The following ACACA variants were observed in gnomAD, a reference collection of about 807,000 sequenced individuals.
The protein encoded by ACACA is acetyl-CoA carboxylase 1.
Under a neutral mutation model 296.1 loss-of-function variants are expected in ACACA, and 103 were observed. The observed-to-expected ratio is 0.35, with a 90% CI of 0.30 to 0.41. The LOEUF is 0.41. ACACA is among the 10% of genes least tolerant of loss of function. The pLI is 1.00. For missense variants in ACACA, 1,554 were observed against 2,989.7 expected, an observed-to-expected ratio of 0.52 and a Z score of 11.20; for synonymous variants, 953 against 1,038.6, an observed-to-expected ratio of 0.92 and a Z score of 1.58.
intron 3 of ACACA, chr17:37,328,896 G>T: frequency 2.5e-6 from 1 of 398,522 alleles, no homozygotes; most frequent in Non-Finnish European, 4.4e-6. Flanking sequence ...GAAATCTCTG[G>T]GGATGGGGCT....
At chr17:37,198,183 A>T (rs2078089627) in intron 35 of ACACA, among the ~76,000 whole-genome samples, 1 of 152,234 alleles carries the variant, frequency 6.6e-6, no homozygotes, top group Non-Finnish European at 1.5e-5. Context: ...TGTGTTACAT[A>T]TATGAGAAAA....
intron 43 of ACACA, among the ~76,000 whole-genome samples, chr17:37,152,540 G>A (rs2076086312): frequency 6.6e-6 from 1 of 152,074 alleles, no homozygotes; most frequent in Non-Finnish European, 1.5e-5. Context: ...TATGTCCTCT[G>A]GAGGGGAAGG....
chr17:37,390,254 T>A (rs1281228406), intron 1 of ACACA, among the ~76,000 whole-genome samples: 3 of 30,012 alleles, frequency 1.0e-4, no homozygotes, highest in Admixed American at 1.1e-3. Flanking sequence ...ATATATATAT[T>A]ATATATAATT....
At chr17:37,320,895 C>T (rs4325613) in intron 3 of ACACA, among the ~76,000 whole-genome samples, 22,067 of 150,742 alleles carry the variant, frequency 0.15, 2,026 homozygotes, top group East Asian at 0.45. Context: ...TGCAGTGAGC[C>T]GAGATCACGC....
chr17:37,087,790 T>C (rs1167979878), intron 55 of ACACA, among the ~76,000 whole-genome samples: 1 of 152,116 alleles, frequency 6.6e-6, no homozygotes, highest in Non-Finnish European at 1.5e-5. Flanking sequence ...GTACCAATAA[T>C]GTATATATAA....
chr17:37,102,316 T>C (rs2073413011), intron 52 of ACACA, among the ~76,000 whole-genome samples: 1 of 151,552 alleles, frequency 6.6e-6, no homozygotes, highest in African/African-American at 2.4e-5. Flanking sequence ...GCAATTCTTC[T>C]GCCTCAGACT....
intron 1 of ACACA, among the ~76,000 whole-genome samples, chr17:37,352,469 T>G (rs2048949927): frequency 6.6e-6 from 1 of 152,040 alleles, no homozygotes; most frequent in Non-Finnish European, 1.5e-5. Context: ...TCTCAACACT[T>G]TGGGAGCCCG....
At chr17:37,399,343 C>T (rs2051205118) in intron 1 of ACACA, among the ~76,000 whole-genome samples, 1 of 152,050 alleles carries the variant, frequency 6.6e-6, no homozygotes, top group Admixed American at 6.6e-5. Flanking sequence ...TTTCAAAGTC[C>T]ATGCTTGCTT....
chr17:37,125,635 G>T (rs546067150), intron 48 of ACACA, 63 bp downstream of exon 48: 43 of 1,337,956 alleles, frequency 3.2e-5, no homozygotes, highest in Non-Finnish European at 4.2e-5. Flanking sequence ...ATAGAGCCAT[G>T]GCTCTTTCTT....
chr17:37,259,214 G>T, intron 12 of ACACA, 146 bp downstream of exon 12: 2 of 939,806 alleles, frequency 2.1e-6, no homozygotes, highest in Non-Finnish European at 3.4e-6. Flanking sequence ...AACCACACAT[G>T]CATAACACAT....
chr17:37,395,272 T>C (rs1230874179), intron 1 of ACACA, among the ~76,000 whole-genome samples: 2 of 151,518 alleles, frequency 1.3e-5, no homozygotes, highest in East Asian at 2.0e-4. Context: ...TTACTAAAAA[T>C]ACAAAAAATT....
chr17:37,212,360 C>A (rs1377332480), intron 29 of ACACA, among the ~76,000 whole-genome samples: 6 of 152,208 alleles, frequency 3.9e-5, no homozygotes, highest in Admixed American at 3.3e-4. Context: ...TCTCCATCAG[C>A]AACTCTCAAG....
chr17:37,393,574 G>A (rs1307898919), intron 1 of ACACA, among the ~76,000 whole-genome samples: 2 of 152,100 alleles, frequency 1.3e-5, no homozygotes, highest in African/African-American at 4.8e-5. Context: ...CGGGCACGGT[G>A]GCTCAAGCCT....
At chr17:37,192,049 CTTCCCTCAGGGATAACA>C in intron 37 of ACACA, 24 bp downstream of exon 37, 1 of 1,585,292 alleles carries the variant, frequency 6.3e-7, no homozygotes, top group Non-Finnish European at 8.7e-7. Flanking sequence ...TATTCTGTCC[CTTCCCTCAGGGATAACA>C]TCCCATTAAA....
At position 37,406,415 on chromosome 17, in the gene ACACA, C is replaced by T; in HGVS notation, c.-116G>A. ...TCTGATTGAAACGCACCCTCTTCAC[C>T]CCTTAAAATCAGTCTGGTTCATCCA... On this transcript the variant is annotated 5_prime_UTR_variant, in exon 1 of 56. Transcript: ENST00000616317. 8.7e-7 allele frequency: 1 copy of T among 1,151,904 alleles called. No homozygotes were observed. The highest frequency in any genetic ancestry group is 1.3e-6 in the Non-Finnish European group (1 of 765,012). 71.4% of individuals were successfully genotyped at this position (1,151,904 alleles called of 1,614,324 possible). A position where few individuals can be genotyped will look rare whatever the true frequency, so the allele number is the denominator to read the frequency against.
At chr17:37,127,863 GA>G (rs1197053445) in intron 47 of ACACA, among the ~76,000 whole-genome samples, 49 of 104,210 alleles carry the variant, frequency 4.7e-4, no homozygotes, top group Non-Finnish European at 7.4e-4. Flanking sequence ...AAAAGAAAAA[GA>G]AAAAAAAAAA....
At chr17:37,092,201 C>A (rs1189268843) in intron 54 of ACACA, among the ~76,000 whole-genome samples, 1 of 149,638 alleles carries the variant, frequency 6.7e-6, no homozygotes, top group African/African-American at 2.5e-5. Context: ...GGGAGGATCA[C>A]ATGAGCCCAG....
rs2051069108 is a variant in ACACA, at chr17:37,396,007, T to C, written c.38+10255A>G. On this transcript the variant is annotated intron_variant, in intron 1 of 55. Coordinates refer to ENST00000616317, the MANE Select transcript of ACACA (RefSeq NM_198834.3). ...CATTAAGTAAACAGCCATATTTGCG[T>C]GTGTATTAAAAGCATTACTTTGTTA... Among the ~76,000 whole-genome samples the C allele has an allele frequency of 2.0e-5, 3 of 152,224 alleles. No homozygotes were observed. The South Asian group carries it at 6.2e-4, about 32-fold the overall frequency.
Position 37,154,303 on chromosome 17 carries a change from TC to T in ACACA, c.5447+1379del, listed in dbSNP as rs151140987. 1.4e-3 allele frequency among the ~76,000 whole-genome samples: 207 copies of T among 151,768 alleles called. 3 individuals carry two copies. The East Asian group carries it at 0.035, about 25-fold the overall frequency. ...GCCTAGGCAACAGAGTAAAACCCTG[TC>T]TCTAAAAACAAAAACCCTCTACATT... On this transcript the variant is annotated intron_variant, in intron 43 of 55. Transcript: ENST00000616317.
Sources: allele counts gnomAD v4.1 joint callset (sites outside exome capture counted in the v4.1 genomes callset), GRCh38; gene constraint gnomAD v4.1.1; transcripts MANE v1.5; gene names NCBI Gene and HGNC (gene_info 2026-07-23, HGNC 2026-07-21).